Variants in SLCO1B3 observed in about 807,000 individuals in gnomAD.
The protein encoded by SLCO1B3 is solute carrier organic anion transporter family member 1B3, also known as liver-specific organic anion transporter 2.
SLCO1B3 carries 72 observed loss-of-function variants against 71.8 expected under a neutral mutation model. The observed-to-expected ratio is 1.00, with a 90% confidence interval of 0.83 to 1.22. SLCO1B3 has a LOEUF of 1.22. Among genes scored for constraint, SLCO1B3 ranks in the 50% most tolerant of loss-of-function variants. SLCO1B3 has a pLI of 0.00. For missense variants in SLCO1B3, 911 were observed against 819.7 expected, an observed-to-expected ratio of 1.11 and a Z score of -1.36; for synonymous variants, 298 against 278.4, an observed-to-expected ratio of 1.07 and a Z score of -0.70.
At position 20,898,305 on chromosome 12, in the gene SLCO1B3, A is replaced by G. The variant is rs17680519; in HGVS notation, c.1683-131A>G. On this transcript the variant is annotated intron_variant, in intron 13 of 15. Transcript: ENST00000381545. ...AAAACAGTTGAAAATGTAACTTTAT[A>G]TAACGTGGGAAATTCACTTAAGAGT... 6.3e-3 allele frequency: 3,827 copies of G among 604,780 alleles called. 58 individuals are homozygous for G. The highest frequency in any genetic ancestry group is 0.019 in the South Asian group (906 of 48,798). The allele number at this position is 604,780 out of a possible 1,614,324, so 37.5% of individuals were successfully genotyped here.
At chr12:20,815,542 G>A (rs1049964257) in intron 2 of SLCO1B3, 132 bp from the exon 3 acceptor site, 21 of 472,592 alleles carry the variant, frequency 4.4e-5, no homozygotes, top group Non-Finnish European at 6.7e-5. Flanking sequence ...CTAGTCCTGT[G>A]GTCAGGAAAT....
intron 8 of SLCO1B3, among the ~76,000 whole-genome samples, chr12:20,864,620 T>G (rs1174480798): frequency 1.3e-5 from 2 of 152,182 alleles, no homozygotes; most frequent in South Asian, 2.1e-4. Flanking sequence ...AATCATTGCT[T>G]TTAACACTGA....
At chr12:20,845,427 A>C (rs1864897542) in intron 3 of SLCO1B3, among the ~76,000 whole-genome samples, 2 of 152,148 alleles carry the variant, frequency 1.3e-5, no homozygotes, top group South Asian at 4.1e-4. Flanking sequence ...ACTGAGTAAG[A>C]AGCTCACCTG....
intron 4 of SLCO1B3, 74 bp downstream of exon 4, chr12:20,855,243 A>G (rs1865109942): frequency 7.8e-7 from 1 of 1,284,394 alleles, no homozygotes; most frequent in Non-Finnish European, 1.1e-6. Context: ...CATGCTTTAT[A>G]TCACTGGGTC....
At chr12:20,909,718 T>C (rs558653583) in intron 15 of SLCO1B3, among the ~76,000 whole-genome samples, 2 of 152,256 alleles carry the variant, frequency 1.3e-5, no homozygotes, top group East Asian at 3.9e-4. Context: ...TTTTTTGTTT[T>C]GTTTTGTTTT....
chr12:20,818,566 G>A (rs189944194), intron 3 of SLCO1B3, among the ~76,000 whole-genome samples: 4 of 152,148 alleles, frequency 2.6e-5, no homozygotes, highest in African/African-American at 7.2e-5. Flanking sequence ...AGCTTGTTGT[G>A]TAGGGAAGGG....
At position 20,834,086 on chromosome 12, in the gene SLCO1B3, A is replaced by G. The variant is rs181519107; in HGVS notation, c.84+18264A>G. Among the ~76,000 whole-genome samples, 144 of 146,110 alleles carry G rather than the reference A, an allele frequency of 9.9e-4. No individual in the cohort carries two copies. The East Asian group carries it at 0.021, about 21-fold the overall frequency. On this transcript the variant is annotated intron_variant, in intron 3 of 15. Coordinates refer to ENST00000381545, the MANE Select transcript of SLCO1B3 (RefSeq NM_019844.4). ...TAAAAATATAAATATATATAAATAT[A>G]TACACATATATAATATATAAATGCA...
At chr12:20,855,213 T>A in intron 4 of SLCO1B3, 44 bp downstream of exon 4, 1 of 1,529,424 alleles carries the variant, frequency 6.5e-7, no homozygotes, top group Non-Finnish European at 9.0e-7. Context: ...TTGCATAAGT[T>A]GAAAAACAAA....
At chr12:20,819,758 G>A (rs1211309702) in intron 3 of SLCO1B3, among the ~76,000 whole-genome samples, 1 of 152,132 alleles carries the variant, frequency 6.6e-6, no homozygotes, top group Non-Finnish European at 1.5e-5. Flanking sequence ...TGGGATATTG[G>A]CACTGAGCGG....
intron 3 of SLCO1B3, among the ~76,000 whole-genome samples, chr12:20,818,424 C>T (rs1018554200): frequency 6.6e-6 from 1 of 152,058 alleles, no homozygotes; most frequent in Admixed American, 6.6e-5. Context: ...GTGGCCTTCT[C>T]AGACCCTATA....
At chr12:20,815,335 G>A (rs972567510) in intron 2 of SLCO1B3, among the ~76,000 whole-genome samples, 3 of 151,866 alleles carry the variant, frequency 2.0e-5, no homozygotes, top group African/African-American at 7.3e-5. Flanking sequence ...CATAAATCTT[G>A]TAATCTGGAT....
intron 13 of SLCO1B3, among the ~76,000 whole-genome samples, chr12:20,897,934 A>G (rs2120364197): frequency 6.6e-6 from 1 of 152,338 alleles, no homozygotes; most frequent in East Asian, 1.9e-4. Flanking sequence ...ATTAGACACT[A>G]GAATACAGAA....
intron 6 of SLCO1B3, 22 bp downstream of exon 6, chr12:20,861,160 AAAAC>A: frequency 6.5e-7 from 1 of 1,535,330 alleles, no homozygotes; most frequent in Non-Finnish European, 8.8e-7. Flanking sequence ...TAGTGACAGT[AAAAC>A]AAATTCTAGA....
At chr12:20,879,205 C>CTTG (rs771715616) in intron 10 of SLCO1B3, among the ~76,000 whole-genome samples, 8 of 95,230 alleles carry the variant, frequency 8.4e-5, no homozygotes, top group African/African-American at 3.1e-4. Flanking sequence ...ACCCTTCTCT[C>CTTG]TTTTTTTTTT....
intron 13 of SLCO1B3, among the ~76,000 whole-genome samples, chr12:20,888,789 G>A (rs748887395): frequency 3.3e-5 from 5 of 151,912 alleles, no homozygotes; most frequent in Admixed American, 2.0e-4. Context: ...TAATGCTTAC[G>A]ATTTTCCCCC....
chr12:20,895,638 G>A (rs868015153), intron 13 of SLCO1B3, among the ~76,000 whole-genome samples: 102 of 152,208 alleles, frequency 6.7e-4, no homozygotes, highest in African/African-American at 2.0e-3. Context: ...TCGGGTTGGC[G>A]TTGAGAGTCT....
At chr12:20,850,630 G>A (rs11494706) in intron 3 of SLCO1B3, among the ~76,000 whole-genome samples, 110,170 of 152,118 alleles carry the variant, frequency 0.72, 42,478 homozygotes, top group South Asian at 0.9. Context: ...GTACTTGATA[G>A]GTAGTTTTTC....
intron 15 of SLCO1B3, among the ~76,000 whole-genome samples, chr12:20,907,018 TAAAAA>T (rs904148104): frequency 9.2e-5 from 14 of 152,000 alleles, no homozygotes; most frequent in African/African-American, 3.4e-4. Context: ...TCTGAGTTCT[TAAAAA>T]AAGGAAAAAT....
intron 3 of SLCO1B3, among the ~76,000 whole-genome samples, chr12:20,821,290 G>C (rs982965478): frequency 6.6e-6 from 1 of 152,164 alleles, no homozygotes; most frequent in Non-Finnish European, 1.5e-5. Flanking sequence ...AAAATTGAAA[G>C]TGCCGTTTTT....
Sources: gnomAD v4.1 joint callset for allele counts (sites outside exome capture counted in the v4.1 genomes callset) on GRCh38, gnomAD v4.1.1 for gene constraint, MANE v1.5 for transcripts, NCBI Gene and HGNC (gene_info 2026-07-23, HGNC 2026-07-21) for gene names.